Variants in EYA3 observed in about 807,000 individuals in gnomAD.
EYA3 encodes EYA transcriptional coactivator and phosphatase 3.
In EYA3, 39 loss-of-function variants were observed where a neutral mutation model predicts 80.0. That is an observed-to-expected ratio of 0.49 (90% CI 0.38 to 0.64). The LOEUF (loss-of-function observed/expected upper bound fraction) is 0.64, where lower values mean the gene tolerates loss of function less well. Ranked by LOEUF, EYA3 falls within the 30% of genes least tolerant of loss-of-function variation. EYA3 has a pLI of 0.00. For synonymous variants in EYA3, 206 were observed against 232.8 expected (o/e 0.88, Z 1.05); for missense variants, 523 against 676.1 (o/e 0.77, Z 2.51).
intron 17 of EYA3, chr1:27,976,850 T>C (rs1638953958): frequency 5.2e-6 from 1 of 193,190 alleles, no homozygotes; most frequent in South Asian, 1.8e-4. Context: ...CCCGAGTAGC[T>C]GGGATTACAG....
chr1:28,025,404 G>A (rs1054797138), intron 7 of EYA3, among the ~76,000 whole-genome samples: 22 of 152,142 alleles, frequency 1.4e-4, no homozygotes, highest in African/African-American at 5.1e-4. Context: ...ATACTGAAAA[G>A]CATAAATATT....
chr1:28,055,462 C>CTTTTTTTTTTTTTTT (rs531586344), intron 2 of EYA3, among the ~76,000 whole-genome samples: 7 of 106,954 alleles, frequency 6.5e-5, no homozygotes, highest in African/African-American at 2.7e-4. Flanking sequence ...TAAAGAAAAT[C>CTTTTTTTTTTTTTTT]TTTTTTTTTT....
In EYA3 at chr1:28,000,060, A is replaced by G. The variant is rs368026750; in HGVS notation, c.994-11T>C. On this transcript the variant is annotated splice_polypyrimidine_tract_variant and intron_variant, in intron 11 of 17. Coordinates refer to ENST00000373871, the MANE Select transcript of EYA3 (RefSeq NM_001990.4). ...CACTACTGTTGGGTCCTAGAAGACAATAAGAAAAAATCAGCTTGACTTGGT... is the reference window on the plus strand; with the variant it reads ...CACTACTGTTGGGTCCTAGAAGACAGTAAGAAAAAATCAGCTTGACTTGGT... 70 of 1,573,954 alleles carry G rather than the reference A, an allele frequency of 4.4e-5. No individual in the cohort carries two copies. Among genetic ancestry groups the G allele is most frequent in the African/African-American group, 9.6e-5 (7 of 72,982 alleles).
intron 7 of EYA3, among the ~76,000 whole-genome samples, chr1:28,026,979 T>C (rs1208242926): frequency 1.3e-5 from 2 of 152,224 alleles, no homozygotes; most frequent in Non-Finnish European, 2.9e-5. Flanking sequence ...CCAAAGTTTA[T>C]ACATTAAGAG....
At chr1:27,977,769 A>G (rs1404419831) in intron 17 of EYA3, among the ~76,000 whole-genome samples, 1 of 150,740 alleles carries the variant, frequency 6.6e-6, no homozygotes, top group African/African-American at 2.4e-5. Context: ...AATTGCTTGA[A>G]CCCAGGAGGC....
intron 4 of EYA3, among the ~76,000 whole-genome samples, chr1:28,040,199 G>C (rs1643697879): frequency 6.6e-6 from 1 of 152,188 alleles, no homozygotes; most frequent in Admixed American, 6.5e-5. Context: ...CAGTGGGGAT[G>C]AGGCAAAGAC....
In EYA3 at chr1:27,972,018, GA is replaced by G; in HGVS notation, c.*2447del. 1 of 152,274 alleles carries G rather than the reference GA, an allele frequency of 6.6e-6. No homozygotes were observed. Among genetic ancestry groups the G allele is most frequent in the South Asian group, 2.1e-4 (1 of 4,830 alleles). The allele number at this position is 152,274 out of a possible 1,614,324, so 9.4% of individuals were successfully genotyped here. On this transcript the variant is annotated 3_prime_UTR_variant, in exon 18 of 18. Coordinates refer to ENST00000373871, the MANE Select transcript of EYA3 (RefSeq NM_001990.4). ...CTAAGCTAGGAAGTCAGAGTAAGAG[GA>G]AAAAGGCCAATGATAAAAGTGAGTT... is the stretch of plus-strand genomic sequence containing the variant.
chr1:28,067,082 G>A (rs993716431), intron 1 of EYA3, among the ~76,000 whole-genome samples: 1 of 152,214 alleles, frequency 6.6e-6, no homozygotes, highest in Admixed American at 6.5e-5. Flanking sequence ...AGGCACAGCT[G>A]TAAAATCATA....
At chr1:28,015,519 ACT>A (rs1455361062) in intron 8 of EYA3, among the ~76,000 whole-genome samples, 3 of 152,152 alleles carry the variant, frequency 2.0e-5, no homozygotes, top group Admixed American at 2.0e-4. Flanking sequence ...ACAGAGCGAG[ACT>A]CTGTCTCAAA....
At position 28,027,924 on chromosome 1, in the gene EYA3, C is replaced by T; in HGVS notation, c.364G>A (p.Ala122Thr). Reference protein sequence around the residue: ...TQTYGLPPFGALWPGMKPESG... With the variant: ...TQTYGLPPFGTLWPGMKPESG... ...TCAGGTTTCATACCTGGCCACAATG[C>T]ACCTGAATCAGATAAATTGGACCAA... The change falls in exon 7 of 18, where the codon GCA becomes ACA. Residue 122 changes from alanine to threonine, a missense_variant and splice_region_variant. Ala to Thr is a moderately conservative substitution (Grantham distance 58). Transcript: ENST00000373871. The T allele has an allele frequency of 6.2e-7, 1 of 1,614,064 alleles. No homozygotes were observed. The highest frequency in any genetic ancestry group is 8.5e-7 in the Non-Finnish European group (1 of 1,179,950).
chr1:27,993,629 G>T, intron 13 of EYA3, 69 bp from the exon 14 acceptor site: 1 of 1,391,374 alleles, frequency 7.2e-7, no homozygotes, highest in African/African-American at 1.5e-5. Flanking sequence ...GTGCTATTTG[G>T]TTGGGTTCTT....
chr1:28,067,689 T>C (rs2148921445), intron 1 of EYA3, among the ~76,000 whole-genome samples: 1 of 152,320 alleles, frequency 6.6e-6, no homozygotes. Context: ...TAAGAAGTTA[T>C]TTAGACACTG....
At chr1:28,087,596 C>T (rs969335267) in intron 1 of EYA3, among the ~76,000 whole-genome samples, 2 of 152,246 alleles carry the variant, frequency 1.3e-5, no homozygotes, top group African/African-American at 2.4e-5. Flanking sequence ...GATCTCTCCA[C>T]AAATTCTGTC....
chr1:28,066,113 T>G (rs1161786222), intron 1 of EYA3, among the ~76,000 whole-genome samples: 1 of 151,844 alleles, frequency 6.6e-6, no homozygotes, highest in Admixed American at 6.6e-5. Flanking sequence ...AGGCGGGAAG[T>G]GTCTACAACA....
At chr1:28,036,085 G>T (rs1643438536) in intron 5 of EYA3, among the ~76,000 whole-genome samples, 1 of 152,202 alleles carries the variant, frequency 6.6e-6, no homozygotes, top group Non-Finnish European at 1.5e-5. Flanking sequence ...AAACTGCTGG[G>T]ATTACAGGCG....
Position 28,003,472 on chromosome 1 carries a change from A to AAAACAAACAAAC in EYA3, c.993+852_993+863dup, listed in dbSNP as rs111781878. On this transcript the variant is annotated intron_variant, in intron 11 of 17. Transcript: ENST00000373871. ...TGACAAGAGCAAGACTCTCTCTCAAAAAACAAACAAACAAACAAACAAACA... is the reference window on the plus strand; with the variant it reads ...TGACAAGAGCAAGACTCTCTCTCAAAAAACAAACAAACAAACAAACAAACAAACAAACAAACA... Among the ~76,000 whole-genome samples the AAAACAAACAAAC allele has an allele frequency of 2.3e-3, 354 of 152,162 alleles. 2 individuals are homozygous for AAAACAAACAAAC. The highest frequency in any genetic ancestry group is 6.5e-3 in the African/African-American group (271 of 41,440).
intron 6 of EYA3, among the ~76,000 whole-genome samples, chr1:28,035,018 C>G (rs535010500): frequency 1.8e-4 from 27 of 152,056 alleles, no homozygotes; most frequent in African/African-American, 6.5e-4. Context: ...GAAAATAACT[C>G]CCTAGGCACA....
chr1:28,004,535 A>G, intron 10 of EYA3, 116 bp from the exon 11 acceptor site: 2 of 640,040 alleles, frequency 3.1e-6, no homozygotes, highest in South Asian at 2.3e-5. Context: ...ATTAAACAAT[A>G]CAATCCTAAA....
intron 2 of EYA3, among the ~76,000 whole-genome samples, chr1:28,051,421 CTCACG>C (rs1403748761): frequency 6.6e-6 from 1 of 152,180 alleles, no homozygotes; most frequent in African/African-American, 2.4e-5. Context: ...GGTCCAGTGG[CTCACG>C]CTTCTAATCC....
Sources: allele counts gnomAD v4.1 joint callset (sites outside exome capture counted in the v4.1 genomes callset), GRCh38; gene constraint gnomAD v4.1.1; transcripts MANE v1.5; gene names NCBI Gene and HGNC (gene_info 2026-07-23, HGNC 2026-07-21).